Variants in SH3BGRL2 observed in about 807,000 individuals in gnomAD.
The protein encoded by SH3BGRL2 is SH3 domain binding glutamate rich protein like 2, also known as SH3 domain-binding glutamic acid-rich-like protein 2.
SH3BGRL2 carries 21 observed loss-of-function variants against 14.8 expected under a neutral mutation model. That is an observed-to-expected ratio of 1.42 (90% CI 1.01 to 2.05). The LOEUF (loss-of-function observed/expected upper bound fraction) is 2.05. SH3BGRL2 is among the 30% of genes most tolerant of loss of function. The probability of loss-of-function intolerance (pLI) is 0.00; values close to 1 mark genes in which losing one functional copy is unlikely to be tolerated. For missense variants in SH3BGRL2, 147 were observed against 130.8 expected (o/e 1.12, Z -0.61); for synonymous variants, 50 against 47.8 (o/e 1.05, Z -0.19).
At chr6:79,553,314 A>G in the SH3BGRL2 span, among the ~76,000 whole-genome samples, 1 of 152,204 alleles carries the variant, frequency 6.6e-6, no homozygotes, top group Non-Finnish European at 1.5e-5. Flanking sequence ...ATAATTTGCA[A>G]AGACTGGATT....
intron 1 of SH3BGRL2, among the ~76,000 whole-genome samples, chr6:79,635,349 T>G (rs1768902377): frequency 1.3e-5 from 2 of 152,248 alleles, no homozygotes; most frequent in Non-Finnish European, 2.9e-5. Flanking sequence ...GGAAGCCATT[T>G]ATGTCCAGTC....
the SH3BGRL2 span, among the ~76,000 whole-genome samples, chr6:79,565,157 A>G: frequency 6.6e-6 from 1 of 152,192 alleles, no homozygotes; most frequent in African/African-American, 2.4e-5. Context: ...ATTAGAGAAC[A>G]TAGGTCACAT....
the SH3BGRL2 span, among the ~76,000 whole-genome samples, chr6:79,558,709 A>C: frequency 6.6e-6 from 1 of 151,662 alleles, no homozygotes; most frequent in South Asian, 2.1e-4. Flanking sequence ...TATAAAAAAA[A>C]AAATACAAAA....
intron 2 of SH3BGRL2, among the ~76,000 whole-genome samples, chr6:79,691,722 A>G (rs1390982305): frequency 2.6e-5 from 4 of 151,280 alleles, no homozygotes; most frequent in Non-Finnish European, 5.9e-5. Flanking sequence ...TCCATGGTGT[A>G]TATGTGCCAC....
intron 2 of SH3BGRL2, among the ~76,000 whole-genome samples, chr6:79,684,111 G>A (rs975483382): frequency 6.6e-6 from 1 of 152,084 alleles, no homozygotes; most frequent in South Asian, 2.1e-4. Context: ...ATTTATTTAG[G>A]GCTAATGGCT....
chr6:79,661,644 G>A (rs538503245), intron 1 of SH3BGRL2, among the ~76,000 whole-genome samples: 6 of 152,284 alleles, frequency 3.9e-5, no homozygotes, highest in African/African-American at 1.4e-4. Context: ...ATGTCTATTA[G>A]GTCCGCTTGG....
At chr6:79,579,996 T>C in the SH3BGRL2 span, among the ~76,000 whole-genome samples, 26 of 152,258 alleles carry the variant, frequency 1.7e-4, no homozygotes, top group East Asian at 4.6e-3. Flanking sequence ...AGGGTTGCAA[T>C]CCTAGTCTCT....
At chr6:79,674,657 T>C (rs1769844638) in intron 2 of SH3BGRL2, among the ~76,000 whole-genome samples, 1 of 152,166 alleles carries the variant, frequency 6.6e-6, no homozygotes, top group Non-Finnish European at 1.5e-5. Context: ...CAGCCTTTGG[T>C]GGCTTCAAAG....
At chr6:79,591,557 G>A in the SH3BGRL2 span, among the ~76,000 whole-genome samples, 7 of 152,174 alleles carry the variant, frequency 4.6e-5, no homozygotes, top group African/African-American at 1.7e-4. Flanking sequence ...GCAGGTGTGC[G>A]CCACTACACC....
chr6:79,608,722 G>A, the SH3BGRL2 span, among the ~76,000 whole-genome samples: 1 of 152,146 alleles, frequency 6.6e-6, no homozygotes, highest in Non-Finnish European at 1.5e-5. Flanking sequence ...AACCCAGGAA[G>A]CTGGCTTCTC....
rs1770451150 is a variant in SH3BGRL2 at position 79,701,301 on chromosome 6, A to G, written c.*1792A>G. 1 of 152,148 alleles carries G rather than the reference A, an allele frequency of 6.6e-6. No individual in the cohort carries two copies. Among genetic ancestry groups the G allele is most frequent in the South Asian group, 2.1e-4 (1 of 4,818 alleles). 9.4% of individuals were successfully genotyped at this position (152,148 alleles called of 1,614,324 possible). A position where few individuals can be genotyped will look rare whatever the true frequency, so the allele number is the denominator to read the frequency against. Reference sequence around the variant, plus strand: ...TGTTTGAGTATGTGAGTCTTCTGATAAAACTCAGAATTTCTTTTTAAGCAG... The same window carrying G: ...TGTTTGAGTATGTGAGTCTTCTGATGAAACTCAGAATTTCTTTTTAAGCAG... On this transcript the variant is annotated 3_prime_UTR_variant, in exon 4 of 4. Coordinates refer to ENST00000369838, the MANE Select transcript of SH3BGRL2 (RefSeq NM_031469.4).
At chr6:79,541,017 C>A in the SH3BGRL2 span, among the ~76,000 whole-genome samples, 2 of 152,058 alleles carry the variant, frequency 1.3e-5, no homozygotes, top group African/African-American at 4.8e-5. Flanking sequence ...CTTTGGTAGG[C>A]CGAAGTGGGC....
chr6:79,568,971 C>T, the SH3BGRL2 span, among the ~76,000 whole-genome samples: 31 of 151,928 alleles, frequency 2.0e-4, no homozygotes, highest in East Asian at 7.7e-4. Flanking sequence ...TATTCTAAGC[C>T]AAATATGAGT....
At chr6:79,608,068 G>A in the SH3BGRL2 span, among the ~76,000 whole-genome samples, 1 of 152,194 alleles carries the variant, frequency 6.6e-6, no homozygotes, top group South Asian at 2.1e-4. Flanking sequence ...AAGCAGGCAC[G>A]TCTTACATGG....
intron 3 of SH3BGRL2, among the ~76,000 whole-genome samples, 165 bp downstream of exon 3, chr6:79,696,730 A>G (rs927542211): frequency 4.6e-5 from 7 of 152,218 alleles, no homozygotes; most frequent in East Asian, 1.9e-4. Flanking sequence ...AAAACATACA[A>G]CAGAGGCTAG....
At chr6:79,692,102 G>T (rs1770231437) in intron 2 of SH3BGRL2, among the ~76,000 whole-genome samples, 1 of 152,138 alleles carries the variant, frequency 6.6e-6, no homozygotes, top group South Asian at 2.1e-4. Context: ...TTCTCTAATG[G>T]CCAGTGATGA....
chr6:79,554,012 T>C, the SH3BGRL2 span, among the ~76,000 whole-genome samples: 3 of 151,942 alleles, frequency 2.0e-5, no homozygotes, highest in African/African-American at 4.8e-5. Flanking sequence ...TTATATGGTC[T>C]GACCCCATTT....
chr6:79,557,486 A>G, the SH3BGRL2 span, among the ~76,000 whole-genome samples: 1 of 152,206 alleles, frequency 6.6e-6, no homozygotes, highest in South Asian at 2.1e-4. Context: ...GAGCAGCAAA[A>G]AGCATCCAGT....
chr6:79,595,452 G>C, the SH3BGRL2 span, among the ~76,000 whole-genome samples: 1 of 152,198 alleles, frequency 6.6e-6, no homozygotes, highest in African/African-American at 2.4e-5. Context: ...AAATAATCCA[G>C]TAGAAAATGG....
Sources: allele counts gnomAD v4.1 joint callset (sites outside exome capture counted in the v4.1 genomes callset), GRCh38; gene constraint gnomAD v4.1.1; transcripts MANE v1.5; gene names NCBI Gene and HGNC (gene_info 2026-07-23, HGNC 2026-07-21).